The following ATG7 variants were observed in gnomAD, a reference collection of about 807,000 sequenced individuals.
ATG7 encodes autophagy related 7.
Under a neutral mutation model 82.4 loss-of-function variants are expected in ATG7, and 70 were observed. The observed-to-expected ratio is 0.85, with a 90% CI of 0.70 to 1.04. The LOEUF is 1.04. ATG7 is among the 50% of genes least tolerant of loss of function. The pLI is 0.00. For synonymous variants in ATG7, 287 were observed against 313.0 expected, an observed-to-expected ratio of 0.92 and a Z score of 0.88; for missense variants, 792 against 864.3, an observed-to-expected ratio of 0.92 and a Z score of 1.05.
intron 19 of ATG7, among the ~76,000 whole-genome samples, chr3:11,389,037 C>A (rs542583385): frequency 4.6e-5 from 7 of 151,948 alleles, no homozygotes; most frequent in African/African-American, 1.7e-4. Flanking sequence ...CACCTGAGGT[C>A]AGGAGTTCAA....
At chr3:11,447,876 A>AT (rs1355775312) in intron 20 of ATG7, among the ~76,000 whole-genome samples, 1 of 152,166 alleles carries the variant, frequency 6.6e-6, no homozygotes, top group Non-Finnish European at 1.5e-5. Context: ...GGTTGGAGTG[A>AT]TGGGGGATGG....
At chr3:11,314,212 A>C (rs1310169440) in intron 8 of ATG7, among the ~76,000 whole-genome samples, 2 of 152,226 alleles carry the variant, frequency 1.3e-5, no homozygotes, top group Non-Finnish European at 2.9e-5. Context: ...GATGGTTCCC[A>C]GAAGAGCAGT....
chr3:11,458,078 T>C (rs2085920242), intron 20 of ATG7, among the ~76,000 whole-genome samples: 1 of 152,188 alleles, frequency 6.6e-6, no homozygotes, highest in African/African-American at 2.4e-5. Context: ...AATACATTGA[T>C]TTTTATGGAA....
intron 20 of ATG7, among the ~76,000 whole-genome samples, chr3:11,534,445 C>T (rs1240591450): frequency 2.6e-5 from 4 of 152,256 alleles, no homozygotes; most frequent in Non-Finnish European, 4.4e-5. Flanking sequence ...TGCTCACAGG[C>T]AGGTCCTGTG....
chr3:11,295,141 A>G (rs994604386), intron 3 of ATG7, among the ~76,000 whole-genome samples: 12 of 152,140 alleles, frequency 7.9e-5, no homozygotes, highest in Non-Finnish European at 1.8e-4. Flanking sequence ...TATGTGCTCA[A>G]GATGGTGAAT....
At chr3:11,564,972 C>A in the ATG7 span, 1 of 1,540,564 alleles carries the variant, frequency 6.5e-7, no homozygotes, top group Non-Finnish European at 8.7e-7. Context: ...GGGGCTGCGG[C>A]TCCGCTCCCG....
intron 11 of ATG7, among the ~76,000 whole-genome samples, chr3:11,336,241 C>T (rs767487485): frequency 3.3e-5 from 5 of 151,772 alleles, no homozygotes; most frequent in Non-Finnish European, 7.4e-5. Flanking sequence ...CACCGTGTAC[C>T]CAGGCTGGTC....
At chr3:11,480,505 C>T (rs1458328880) in intron 20 of ATG7, among the ~76,000 whole-genome samples, 1 of 152,078 alleles carries the variant, frequency 6.6e-6, no homozygotes, top group East Asian at 1.9e-4. Flanking sequence ...GGGGCCGAGG[C>T]TGTAGTGAGC....
intron 19 of ATG7, among the ~76,000 whole-genome samples, chr3:11,404,507 C>T (rs2080145935): frequency 6.6e-6 from 1 of 151,718 alleles, no homozygotes; most frequent in Admixed American, 6.6e-5. Context: ...CCTTTTATCT[C>T]CTGCTTGCAT....
rs537206830 is a variant in ATG7, at chr3:11,318,723, A to G, written c.678+3230A>G. On this transcript the variant is annotated intron_variant, in intron 9 of 20. Transcript: ENST00000693202. ...TTCCTGTCCACCACTAGCCTCATTT[A>G]ATATTTCCCAAGATACATCCTGTGC... Among the ~76,000 whole-genome samples the G allele has an allele frequency of 1.2e-4, 19 of 152,278 alleles. No homozygotes were observed. In the South Asian group the frequency reaches 3.5e-3, roughly 28 times the overall value.
intron 19 of ATG7, among the ~76,000 whole-genome samples, chr3:11,411,619 CAAAAAAAAAAAA>C (rs71055868): frequency 0.049 from 3,553 of 71,950 alleles, 237 homozygotes; most frequent in African/African-American, 0.15. Context: ...ACTCTGTCTC[CAAAAAAAAAAAA>C]AAAAAAAAAA....
intron 19 of ATG7, among the ~76,000 whole-genome samples, chr3:11,412,063 T>C (rs937853075): frequency 2.0e-5 from 3 of 151,768 alleles, no homozygotes; most frequent in Non-Finnish European, 4.4e-5. Context: ...GAGACAAGTG[T>C]GGCCAAGAAA....
intron 20 of ATG7, among the ~76,000 whole-genome samples, chr3:11,534,057 G>A (rs2092742558): frequency 1.3e-5 from 2 of 152,322 alleles, no homozygotes; most frequent in East Asian, 3.9e-4. Flanking sequence ...AAAAGTACTA[G>A]CCAGCAGAAA....
chr3:11,393,976 C>T (rs573517416), intron 19 of ATG7, among the ~76,000 whole-genome samples: 12 of 152,260 alleles, frequency 7.9e-5, no homozygotes, highest in East Asian at 7.7e-4. Flanking sequence ...CCACCATGCC[C>T]GGCCAGCTTT....
intron 20 of ATG7, among the ~76,000 whole-genome samples, chr3:11,537,045 C>T (rs990029284): frequency 6.6e-6 from 1 of 152,148 alleles, no homozygotes; most frequent in Non-Finnish European, 1.5e-5. Context: ...TCCGCGGACC[C>T]TCTGATGGCA....
chr3:11,456,765 T>A (rs1250957878), intron 20 of ATG7, among the ~76,000 whole-genome samples: 5 of 152,206 alleles, frequency 3.3e-5, no homozygotes, highest in Non-Finnish European at 7.3e-5. Flanking sequence ...GAAGTTTTTT[T>A]CCTCTCTTTC....
chr3:11,440,800 C>T (rs2083864714), intron 20 of ATG7, among the ~76,000 whole-genome samples: 1 of 149,722 alleles, frequency 6.7e-6, no homozygotes, highest in Non-Finnish European at 1.5e-5. Context: ...TCTCCTGCCT[C>T]AGCCTCCCAA....
chr3:11,388,007 CA>C (rs2078449051), intron 19 of ATG7, among the ~76,000 whole-genome samples: 1 of 152,132 alleles, frequency 6.6e-6, no homozygotes, highest in Non-Finnish European at 1.5e-5. Flanking sequence ...TCAGAGGCTT[CA>C]TGAAGTCCCT....
At chr3:11,362,716 T>C in intron 16 of ATG7, 97 bp from the exon 17 acceptor site, 4 of 944,830 alleles carry the variant, frequency 4.2e-6, no homozygotes, top group Non-Finnish European at 6.4e-6. Flanking sequence ...CATCTGGTTA[T>C]AATTTAAAGC....
Sources: gnomAD v4.1 joint callset for allele counts (sites outside exome capture counted in the v4.1 genomes callset) on GRCh38, gnomAD v4.1.1 for gene constraint, MANE v1.5 for transcripts, NCBI Gene and HGNC (gene_info 2026-07-23, HGNC 2026-07-21) for gene names.